RIMBP2: variants seen among roughly 807,000 people sequenced by gnomAD.
RIMBP2 encodes the protein RIMS binding protein 2.
RIMBP2 carries 48 observed loss-of-function variants against 118.6 expected under a neutral mutation model. The ratio of observed to expected loss-of-function variants is 0.40; its 90% CI spans 0.32 to 0.51. RIMBP2 has a LOEUF of 0.51. Among genes scored for constraint, RIMBP2 ranks in the 20% least tolerant of loss-of-function variants. The pLI is 0.41. For synonymous variants in RIMBP2, 762 were observed against 742.9 expected (o/e 1.03, Z -0.42); for missense variants, 1,551 against 1,768.3 (o/e 0.88, Z 2.20).
chr12:130,684,881 C>T (rs980755443), intron 1 of RIMBP2, among the ~76,000 whole-genome samples: 1 of 152,132 alleles, frequency 6.6e-6, no homozygotes, highest in Admixed American at 6.5e-5. Flanking sequence ...TCTTTCACCC[C>T]TTCACTTCTT....
chr12:130,423,452 G>C (rs2076545954), intron 16 of RIMBP2, among the ~76,000 whole-genome samples: 1 of 152,172 alleles, frequency 6.6e-6, no homozygotes. Context: ...CAATGAAAAG[G>C]TCAGCATGAC....
intron 4 of RIMBP2, among the ~76,000 whole-genome samples, chr12:130,481,714 G>A (rs2082025733): frequency 6.6e-6 from 1 of 152,224 alleles, no homozygotes; most frequent in African/African-American, 2.4e-5. Flanking sequence ...GGGCCCCAGG[G>A]AAACACCATG....
In RIMBP2 at chr12:130,545,148, T is replaced by A. The variant is rs575874482; in HGVS notation, c.-216-27231A>T. Among the ~76,000 whole-genome samples, 7 of 152,324 alleles carry A rather than the reference T, an allele frequency of 4.6e-5. No homozygotes were observed. In the South Asian group the frequency reaches 1.2e-3, roughly 27 times the overall value. On this transcript the variant is annotated intron_variant, in intron 2 of 22. Coordinates refer to ENST00000690449, the MANE Select transcript of RIMBP2 (RefSeq NM_001393629.1). ...ATCATTGTTTTTCAAGTGTTTCATTTGGAAAATTTTTTAAAAACAAGACTG... is the reference window on the plus strand; with the variant it reads ...ATCATTGTTTTTCAAGTGTTTCATTAGGAAAATTTTTTAAAAACAAGACTG...
At chr12:130,616,333 C>T (rs1306465939) in intron 2 of RIMBP2, among the ~76,000 whole-genome samples, 1 of 152,014 alleles carries the variant, frequency 6.6e-6, no homozygotes, top group Non-Finnish European at 1.5e-5. Context: ...CCTTCTCCTC[C>T]TCTCTCCTTC....
At chr12:130,690,493 A>G (rs1461708844) in intron 1 of RIMBP2, among the ~76,000 whole-genome samples, 1 of 152,208 alleles carries the variant, frequency 6.6e-6, no homozygotes, top group Non-Finnish European at 1.5e-5. Context: ...CTTTGGCAAC[A>G]TGATTTGAGC....
At chr12:130,440,011 T>A (rs1474528110) in intron 11 of RIMBP2, among the ~76,000 whole-genome samples, 1 of 151,768 alleles carries the variant, frequency 6.6e-6, no homozygotes, top group African/African-American at 2.4e-5. Context: ...CACATCCGTA[T>A]CTCCCACCAG....
intron 6 of RIMBP2, chr12:130,470,421 T>C (rs2080905267): frequency 5.8e-6 from 2 of 346,672 alleles, no homozygotes; most frequent in Non-Finnish European, 1.0e-5. Flanking sequence ...GCAGACCACA[T>C]CTGAGACACA....
chr12:130,479,175 C>T (rs2081722905), intron 4 of RIMBP2, among the ~76,000 whole-genome samples, 159 bp from the exon 5 acceptor site: 1 of 152,238 alleles, frequency 6.6e-6, no homozygotes, highest in Admixed American at 6.5e-5. Flanking sequence ...CAACAGGGCT[C>T]CTCCAGAGGC....
intron 2 of RIMBP2, among the ~76,000 whole-genome samples, chr12:130,609,885 C>A (rs1239529445): frequency 6.6e-6 from 1 of 152,120 alleles, no homozygotes; most frequent in Non-Finnish European, 1.5e-5. Context: ...CAGAAGGGAG[C>A]AAATTCACCT....
At chr12:130,491,235 C>G (rs899483958) in intron 4 of RIMBP2, among the ~76,000 whole-genome samples, 1 of 152,148 alleles carries the variant, frequency 6.6e-6, no homozygotes, top group African/African-American at 2.4e-5. Flanking sequence ...TATTTTTATT[C>G]CCATTTACAG....
In RIMBP2 at chr12:130,523,653, T is replaced by G. The variant is rs931338165; in HGVS notation, c.-216-5736A>C. On this transcript the variant is annotated intron_variant, in intron 2 of 22. Transcript: ENST00000690449. The surrounding 1 kb of genome is among the most constrained non-coding windows in gnomAD (Gnocchi z 4.4). ...AAAGCACGTTCTTTCAATAAACTTGTCAATTTTATTCATTTCAATAATCCC... is the reference window on the plus strand; with the variant it reads ...AAAGCACGTTCTTTCAATAAACTTGGCAATTTTATTCATTTCAATAATCCC... Among the ~76,000 whole-genome samples the G allele has an allele frequency of 2.0e-5, 3 of 152,168 alleles. No homozygotes were observed. The highest frequency in any genetic ancestry group is 4.8e-5 in the African/African-American group (2 of 41,442).
intron 1 of RIMBP2, among the ~76,000 whole-genome samples, chr12:130,689,540 T>C (rs1008014073): frequency 6.6e-6 from 1 of 152,146 alleles, no homozygotes; most frequent in Non-Finnish European, 1.5e-5. Context: ...CCAGGATCAG[T>C]AGCAGCTCAG....
At chr12:130,497,475 G>A (rs548211715) in intron 4 of RIMBP2, among the ~76,000 whole-genome samples, 2 of 152,290 alleles carry the variant, frequency 1.3e-5, no homozygotes, top group South Asian at 2.1e-4. Flanking sequence ...AGCAGCTGTC[G>A]CTCTACCGCA....
rs539726735 is a variant in RIMBP2 at position 130,581,557 on chromosome 12, TC to T, written c.-217+46764del. On this transcript the variant is annotated intron_variant, in intron 2 of 22. Transcript: ENST00000690449. The surrounding 1 kb of genome is among the most constrained non-coding windows in gnomAD (Gnocchi z 4.4). ...TGCCAGTCTCCCCACCCCACAGCCC[TC>T]CCGTGCCAGTAGGTGGCAATTCCAG... Among the ~76,000 whole-genome samples, 683 of 152,198 alleles carry T rather than the reference TC, an allele frequency of 4.5e-3. 4 individuals are homozygous for T. The highest frequency in any genetic ancestry group is 0.016 in the African/African-American group (656 of 41,548).
intron 4 of RIMBP2, among the ~76,000 whole-genome samples, chr12:130,487,187 G>A (rs1038539210): frequency 6.6e-5 from 10 of 152,174 alleles, no homozygotes; most frequent in African/African-American, 1.7e-4. Flanking sequence ...CCTGCTGTCC[G>A]ACATGCTTGT....
chr12:130,528,978 G>T (rs2053090392), intron 2 of RIMBP2, among the ~76,000 whole-genome samples: 1 of 152,186 alleles, frequency 6.6e-6, no homozygotes. Flanking sequence ...TTGGAAACAG[G>T]TATTCAAATA....
chr12:130,519,747 G>C (rs188676564), intron 2 of RIMBP2, among the ~76,000 whole-genome samples: 5 of 152,314 alleles, frequency 3.3e-5, no homozygotes, highest in Non-Finnish European at 7.3e-5. Flanking sequence ...TGAAATAGGG[G>C]TTAGATTATG....
chr12:130,596,865 G>A (rs1409664810), intron 2 of RIMBP2, among the ~76,000 whole-genome samples: 5 of 152,168 alleles, frequency 3.3e-5, no homozygotes, highest in East Asian at 1.9e-4. Flanking sequence ...GATGAATTTC[G>A]TGGAAGATAC....
intron 2 of RIMBP2, among the ~76,000 whole-genome samples, chr12:130,522,068 G>C (rs1407849112): frequency 6.6e-6 from 1 of 152,224 alleles, no homozygotes; most frequent in Non-Finnish European, 1.5e-5. Flanking sequence ...TTCTGGGATT[G>C]GATGTGAGGA....
Sources: gnomAD v4.1 joint callset for allele counts (sites outside exome capture counted in the v4.1 genomes callset) on GRCh38, gnomAD v4.1.1 for gene constraint, Gnocchi (gnomAD v3.1) non-coding constraint, MANE v1.5 for transcripts, NCBI Gene and HGNC (gene_info 2026-07-23, HGNC 2026-07-21) for gene names.